RASSF3: variants seen among roughly 807,000 people sequenced by gnomAD.
The protein encoded by RASSF3 is Ras association domain family member 3.
Under a neutral mutation model 19.9 loss-of-function variants are expected in RASSF3, and 19 were observed. That is an observed-to-expected ratio of 0.96 (90% CI 0.67 to 1.40). RASSF3 has a LOEUF of 1.40. Among genes scored for constraint, RASSF3 ranks in the 40% most tolerant of loss-of-function variants. The pLI, the probability that RASSF3 is intolerant of heterozygous loss-of-function variation, is 0.00. For missense variants in RASSF3, 306 were observed against 289.8 expected, an observed-to-expected ratio of 1.06 and a Z score of -0.41; for synonymous variants, 110 against 104.2, an observed-to-expected ratio of 1.06 and a Z score of -0.34.
Position 64,687,549 on chromosome 12 carries a change from A to G in RASSF3, c.220-667A>G, listed in dbSNP as rs186859523. On this transcript the variant is annotated intron_variant, in intron 2 of 4. Coordinates refer to ENST00000542104, the MANE Select transcript of RASSF3 (RefSeq NM_178169.4). ...GAGTGCAATGGCGTGATCTTGGCTCATTGCAACCTCCACCTTCTGGTTTCA... is the reference window on the plus strand; with the variant it reads ...GAGTGCAATGGCGTGATCTTGGCTCGTTGCAACCTCCACCTTCTGGTTTCA... 3.3e-3 allele frequency among the ~76,000 whole-genome samples: 492 copies of G among 151,158 alleles called. 5 individuals are homozygous for G. Among genetic ancestry groups the G allele is most frequent in the African/African-American group, 0.012 (475 of 41,096 alleles).
chr12:64,520,202 T>C (rs1036471762), intron 1 of RASSF3, among the ~76,000 whole-genome samples: 2 of 146,992 alleles, frequency 1.4e-5, no homozygotes, highest in South Asian at 2.1e-4. Context: ...GGAGTCTCGC[T>C]CTGTTGCCCA....
At chr12:64,642,283 G>C (rs2136183710) in intron 1 of RASSF3, among the ~76,000 whole-genome samples, 1 of 151,888 alleles carries the variant, frequency 6.6e-6, no homozygotes, top group African/African-American at 2.4e-5. Flanking sequence ...TCAAGGGCCG[G>C]GCCCGGTTTC....
At chr12:64,670,229 G>A (rs1872655281) in intron 1 of RASSF3, among the ~76,000 whole-genome samples, 1 of 152,066 alleles carries the variant, frequency 6.6e-6, no homozygotes, top group African/African-American at 2.4e-5. Flanking sequence ...TATTTATTTG[G>A]GGGTGGCTGC....
chr12:64,635,190 G>T (rs575957407), intron 1 of RASSF3, among the ~76,000 whole-genome samples: 27 of 152,116 alleles, frequency 1.8e-4, no homozygotes, highest in African/African-American at 6.5e-4. Flanking sequence ...CTGAGTTCAA[G>T]CAATCCATCT....
chr12:64,571,910 C>T (rs1307285516), intron 2 of RASSF3, among the ~76,000 whole-genome samples: 1 of 152,192 alleles, frequency 6.6e-6, no homozygotes, highest in Admixed American at 6.6e-5. Context: ...TGGGATTCTG[C>T]TGGTGCCAGA....
intron 2 of RASSF3, among the ~76,000 whole-genome samples, chr12:64,584,767 C>T (rs985595560): frequency 6.6e-6 from 1 of 151,818 alleles, no homozygotes; most frequent in Non-Finnish European, 1.5e-5. Context: ...AAGCATCCAA[C>T]CCTTAGCAAA....
chr12:64,584,796 T>G (rs1170565898), intron 2 of RASSF3, among the ~76,000 whole-genome samples: 2 of 151,190 alleles, frequency 1.3e-5, no homozygotes, highest in Non-Finnish European at 2.9e-5. Flanking sequence ...GAGAGGGAGG[T>G]TTGGTTGGCT....
At position 64,571,403 on chromosome 12, in the gene RASSF3, G is replaced by A. The variant is rs560653799; in HGVS notation, c.294+29698G>A. ...ATGAGGCTACCTGGCCACAGGAAAC[G>A]AGAACATGATCCTCAAACCCACACC... is the stretch of plus-strand genomic sequence containing the variant. On this transcript the variant is annotated intron_variant, in intron 2 of 5. Coordinates refer to the RASSF3 transcript ENST00000637125. Among the ~76,000 whole-genome samples the A allele has an allele frequency of 1.1e-3, 164 of 152,122 alleles. 2 individuals are homozygous for A. Among genetic ancestry groups the A allele is most frequent in the Admixed American group, 4.1e-3 (63 of 15,242 alleles).
intron 1 of RASSF3, among the ~76,000 whole-genome samples, chr12:64,630,215 C>A: frequency 6.6e-6 from 1 of 151,524 alleles, no homozygotes; most frequent in East Asian, 2.0e-4. Context: ...TTTTTGTCAT[C>A]CAAAAAAGAG....
chr12:64,605,890 A>AG (rs1870183890), upstream of RASSF3, among the ~76,000 whole-genome samples: 2 of 129,106 alleles, frequency 1.5e-5, no homozygotes, highest in Non-Finnish European at 3.0e-5. Context: ...TCCGTCTCAA[A>AG]AAAAAAAAAA....
At chr12:64,668,709 TCTCA>T (rs1592457765) in intron 1 of RASSF3, among the ~76,000 whole-genome samples, 1 of 132,708 alleles carries the variant, frequency 7.5e-6, no homozygotes, top group South Asian at 2.3e-4. Flanking sequence ...TGAAACGGAG[TCTCA>T]CTCTGTCGCC....
chr12:64,526,679 G>A (rs369982181), intron 1 of RASSF3, among the ~76,000 whole-genome samples: 2 of 152,142 alleles, frequency 1.3e-5, no homozygotes, highest in Non-Finnish European at 2.9e-5. Flanking sequence ...GAGTAACTGG[G>A]ACTATAGGCA....
intron 2 of RASSF3, among the ~76,000 whole-genome samples, chr12:64,582,367 A>C (rs931915298): frequency 6.6e-6 from 1 of 152,132 alleles, no homozygotes; most frequent in Non-Finnish European, 1.5e-5. Flanking sequence ...GCTAGTGAAA[A>C]TGCCTCCTGC....
In RASSF3 at chr12:64,612,000, C is replaced by G. The variant is rs1023941437; in HGVS notation, c.111+1257C>G. On this transcript the variant is annotated intron_variant, in intron 1 of 4. Coordinates refer to ENST00000542104, the MANE Select transcript of RASSF3 (RefSeq NM_178169.4). Reference sequence around the variant, plus strand: ...CTCAAGTCCCGGTGCCATAGTTGTCCGTCTTGTATTGTTTCTAAGGCTTAA... The same window carrying G: ...CTCAAGTCCCGGTGCCATAGTTGTCGGTCTTGTATTGTTTCTAAGGCTTAA... 3.3e-5 allele frequency among the ~76,000 whole-genome samples: 5 copies of G among 152,058 alleles called. No individual in the cohort carries two copies. The South Asian group carries it at 6.2e-4, about 19-fold the overall frequency.
At chr12:64,667,519 CG>C (rs1300220193) in intron 1 of RASSF3, among the ~76,000 whole-genome samples, 2 of 152,150 alleles carry the variant, frequency 1.3e-5, no homozygotes, top group East Asian at 3.9e-4. Flanking sequence ...AAGTCCCTTG[CG>C]GGAAAGATGG....
At chr12:64,512,387 G>C (rs1213732342) in intron 1 of RASSF3, among the ~76,000 whole-genome samples, 2 of 152,078 alleles carry the variant, frequency 1.3e-5, no homozygotes, top group Non-Finnish European at 2.9e-5. Flanking sequence ...GGAGGCAGAA[G>C]GGTCACTTGA....
chr12:64,535,985 C>A (rs1404437406), intron 1 of RASSF3, among the ~76,000 whole-genome samples: 1 of 146,640 alleles, frequency 6.8e-6, no homozygotes, highest in Non-Finnish European at 1.5e-5. Context: ...CCGCACCCAG[C>A]CTGTTTTCAC....
chr12:64,692,267 C>A (rs951469778), intron 4 of RASSF3, among the ~76,000 whole-genome samples: 2 of 152,144 alleles, frequency 1.3e-5, no homozygotes, highest in Non-Finnish European at 2.9e-5. Flanking sequence ...TGTGAAATGT[C>A]CTACATGGTG....
chr12:64,550,304 A>T (rs1212940866), intron 2 of RASSF3, among the ~76,000 whole-genome samples: 11 of 152,082 alleles, frequency 7.2e-5, no homozygotes, highest in Admixed American at 7.2e-4. Flanking sequence ...AAAGAAAGGG[A>T]GAAGAGAGAA....
Sources: allele counts gnomAD v4.1 joint callset (sites outside exome capture counted in the v4.1 genomes callset), GRCh38; gene constraint gnomAD v4.1.1; transcripts MANE v1.5; gene names NCBI Gene and HGNC (gene_info 2026-07-23, HGNC 2026-07-21).